The following PLA2G4D variants were observed in gnomAD, a reference collection of about 807,000 sequenced individuals.
The protein encoded by PLA2G4D is cytosolic phospholipase A2 delta.
Under a neutral mutation model 94.4 loss-of-function variants are expected in PLA2G4D, and 80 were observed. The ratio of observed to expected loss-of-function variants is 0.85; its 90% CI spans 0.71 to 1.02. PLA2G4D has a LOEUF of 1.02. Among genes scored for constraint, PLA2G4D ranks in the 50% least tolerant of loss-of-function variants. PLA2G4D has a pLI of 0.00. For synonymous variants in PLA2G4D, 438 were observed against 440.9 expected (o/e 0.99, Z 0.08); for missense variants, 1,050 against 1,034.7 (o/e 1.01, Z -0.20).
At chr15:42,071,642 C>G in intron 15 of PLA2G4D, 91 bp from the exon 16 acceptor site, 1 of 1,471,744 alleles carries the variant, frequency 6.8e-7, no homozygotes, top group Non-Finnish European at 9.4e-7. Flanking sequence ...GCGAGGGCTA[C>G]CCCTACAATG....
intron 17 of PLA2G4D, 59 bp from the exon 18 acceptor site, chr15:42,070,942 C>T: frequency 6.4e-7 from 1 of 1,568,764 alleles, no homozygotes; most frequent in Non-Finnish European, 8.6e-7. Flanking sequence ...ATCCATGTCC[C>T]CTTCTCTCCT....
intron 17 of PLA2G4D, 81 bp downstream of exon 17, chr15:42,071,042 C>T (rs1034372994): frequency 5.8e-6 from 9 of 1,560,936 alleles, no homozygotes; most frequent in Middle Eastern, 2.2e-4. Flanking sequence ...GGATGCTGAC[C>T]TCCTAGGCCT....
rs1889828363 is a variant in PLA2G4D, at chr15:42,071,880, A to G, written c.1467T>C (p.Gly489=). ...GGACGAAGGCCCCGTACTTCAGGAA[A>G]CCGACCTCATAGGGGGAGAACTCAA... is the stretch of plus-strand genomic sequence containing the variant. ...EWVEFSPYEV[G]FLKYGAFVPP... Residue 489 remains glycine, a synonymous_variant, in exon 15 of 20, where the codon GGT becomes GGC. Coordinates refer to ENST00000290472, the MANE Select transcript of PLA2G4D (RefSeq NM_178034.4). 6.2e-7 allele frequency: 1 copy of G among 1,614,170 alleles called. No homozygotes were observed. The highest frequency in any genetic ancestry group is 8.5e-7 in the Non-Finnish European group (1 of 1,180,002).
intron 13 of PLA2G4D, among the ~76,000 whole-genome samples, chr15:42,073,874 C>A (rs1889872907): frequency 6.6e-6 from 1 of 152,200 alleles, no homozygotes. Context: ...TTGCTGGCAG[C>A]TCTTCTGTCC....
In PLA2G4D at chr15:42,079,611, G is replaced by T; in HGVS notation, c.1243C>A (p.Arg415=). Residue 415 remains arginine, a synonymous_variant, in exon 13 of 20, where the codon CGG becomes AGG. Transcript: ENST00000290472. The stretch of plus-strand genomic sequence containing the variant: ...GTCGTGGGGTGGCCCTGCTCAGCCC[G>T]CAGCTCCAGCTCCCGGCGGTAGCTC... ...LASYRRELEL[R]AEQGHPTTFV... 6.2e-7 allele frequency: 1 copy of T among 1,610,532 alleles called. No homozygotes were observed. The highest frequency in any genetic ancestry group is 8.5e-7 in the Non-Finnish European group (1 of 1,178,800).
In PLA2G4D at chr15:42,071,859, G is replaced by A. The variant is rs369613397; in HGVS notation, c.1488C>T (p.Phe496=). Residue 496 remains phenylalanine (F), a synonymous_variant, in exon 15 of 20, where the codon TTC becomes TTT. Transcript: ENST00000290472. ...YEVGFLKYGA[F]VPPELFGSEF... is the part of the protein sequence containing the mutation. ...CGGAGCCGAAGAGCTCAGGAGGGAC[G>A]AAGGCCCCGTACTTCAGGAAACCGA... is the stretch of plus-strand genomic sequence containing the variant. The A allele has an allele frequency of 5.5e-5, 88 of 1,614,084 alleles. No homozygotes were observed. The highest frequency in any genetic ancestry group is 8.0e-5 in the African/African-American group (6 of 74,938).
chr15:42,093,271 A>G (rs1288959162), intron 1 of PLA2G4D, among the ~76,000 whole-genome samples: 1 of 152,182 alleles, frequency 6.6e-6, no homozygotes, highest in Admixed American at 6.5e-5. Context: ...GGTGCTTTCC[A>G]GGTGTGGGGC....
In PLA2G4D at chr15:42,081,601, C is replaced by A; in HGVS notation, c.835G>T (p.Ala279Ser). 6.2e-7 allele frequency: 1 copy of A among 1,614,154 alleles called. No individual in the cohort carries two copies. The highest frequency in any genetic ancestry group is 1.1e-5 in the South Asian group (1 of 91,084). ...CAGAGATTGAAGCCCAGGTGCACGG[C>A]CAGCTCCTCAGGGCTGTGGCAATGG... The part of the protein sequence containing the change: ...LKAEGCPEEL[A>S]VHLGFNLCAE... The change falls in exon 11 of 20, where the codon GCC becomes TCC. Residue 279 changes from alanine (A) to serine (S), a missense_variant. Physicochemically the swap from Ala to Ser is moderately conservative, Grantham distance 99. Coordinates refer to ENST00000290472, the MANE Select transcript of PLA2G4D (RefSeq NM_178034.4).
chr15:42,080,978 A>G lies in PLA2G4D; in HGVS notation c.1094+19T>C, dbSNP rs1230210339. ...TGGCCCCTGATTGTCTCTGCCACCC[A>G]GTCCCCCAGGATCCTCACCACGTAG... On this transcript the variant is annotated intron_variant, in intron 12 of 19. Transcript: ENST00000290472. 1 of 1,611,424 alleles carries G rather than the reference A, an allele frequency of 6.2e-7. No individual in the cohort carries two copies. The highest frequency in any genetic ancestry group is 1.1e-5 in the South Asian group (1 of 90,802).
At position 42,072,339 on chromosome 15, in the gene PLA2G4D, G is replaced by A. The variant is rs778496368; in HGVS notation, c.1371C>T (p.Asn457=). Reference sequence around the variant, plus strand: ...TGAGGCTCAAGTAGAGGGGCAGAGGGTTCTGACCCCGTTCCAGGGCGGCTC... The same window carrying A: ...TGAGGCTCAAGTAGAGGGGCAGAGGATTCTGACCCCGTTCCAGGGCGGCTC... The part of the protein sequence containing the change: ...GQRAALERGQ[N]PLPLYLSLNV... The change falls in exon 14 of 20, where the codon AAC becomes AAT. Residue 457 remains asparagine (N), a synonymous_variant. Transcript: ENST00000290472. 9 of 1,613,654 alleles carry A rather than the reference G, an allele frequency of 5.6e-6. No individual in the cohort carries two copies. The highest frequency in any genetic ancestry group is 7.6e-6 in the Non-Finnish European group (9 of 1,180,000).
intron 14 of PLA2G4D, 41 bp downstream of exon 14, chr15:42,072,233 TG>T (rs764477044): frequency 4.6e-6 from 7 of 1,522,228 alleles, no homozygotes; most frequent in African/African-American, 1.4e-5. Flanking sequence ...GCAGAGGGTT[TG>T]GGGGGTGGAG....
At chr15:42,093,482 G>A (rs937305515) in intron 1 of PLA2G4D, among the ~76,000 whole-genome samples, 5 of 152,156 alleles carry the variant, frequency 3.3e-5, no homozygotes, top group Admixed American at 1.3e-4. Flanking sequence ...AGCCAGGGCC[G>A]CCAGCCCCTC....
At chr15:42,093,886 TG>T (rs1890290648) in intron 1 of PLA2G4D, among the ~76,000 whole-genome samples, 1 of 151,948 alleles carries the variant, frequency 6.6e-6, no homozygotes, top group South Asian at 2.1e-4. Context: ...ATGAAAACTC[TG>T]GGCTTTGGAG....
chr15:42,069,552 G>C (rs1461903484), intron 19 of PLA2G4D, among the ~76,000 whole-genome samples: 1 of 152,180 alleles, frequency 6.6e-6, no homozygotes, highest in East Asian at 1.9e-4. Flanking sequence ...CCTGAGAAGG[G>C]GCCCAGCCTG....
chr15:42,086,215 G>A lies in PLA2G4D; in HGVS notation c.385C>T (p.Gln129Ter). 9.6e-6 allele frequency: 1 copy of A among 104,664 alleles called. No homozygotes were observed. The allele number at this position is 104,664 out of a possible 1,614,324, so 6.5% of individuals were successfully genotyped here. Residue 129 changes from glutamine (Q) to a stop codon, truncating the protein, a stop_gained and splice_region_variant, in exon 4 of 20, where the codon CAG becomes TAG. Coordinates refer to ENST00000290472, the MANE Select transcript of PLA2G4D (RefSeq NM_178034.4). LOFTEE classifies it high-confidence loss of function. ...LLRKTFSQSP[Q>*]GEEELDVEFL... Reference sequence around the variant, plus strand: ...GACTTCCCCACCCACCCACCCACCTGGGGACTCTGGGAGAAGGTTTTCCGG... The same window carrying A: ...GACTTCCCCACCCACCCACCCACCTAGGGACTCTGGGAGAAGGTTTTCCGG...
chr15:42,082,155 C>T, intron 9 of PLA2G4D, 124 bp downstream of exon 9: 1 of 842,810 alleles, frequency 1.2e-6, no homozygotes, highest in Non-Finnish European at 1.9e-6. Context: ...TGTTCTCAAA[C>T]TCCTGACTTC....
intron 18 of PLA2G4D, chr15:42,070,353 T>C: frequency 2.0e-6 from 1 of 511,398 alleles, no homozygotes; most frequent in South Asian, 3.0e-5. Context: ...CAATTCTGGA[T>C]TGCTATTGCT....
chr15:42,071,093 G>T, intron 17 of PLA2G4D, 30 bp downstream of exon 17: 1 of 1,593,060 alleles, frequency 6.3e-7, no homozygotes, highest in South Asian at 1.1e-5. Context: ...CCAACCTTGT[G>T]ACCTAGGGAC....
chr15:42,072,382 T>C lies in PLA2G4D; in HGVS notation c.1328A>G (p.Gln443Arg). ...GGCGGCTCTCTGTCCTGACAGCTTC[T>C]GATCCATCACCTGGGGCCAGAGGGC... Reference protein sequence around the residue: ...ESMLHGQVMDQKLSGQRAALE... With the variant: ...ESMLHGQVMDRKLSGQRAALE... The change falls in exon 14 of 20, where the codon CAG (glutamine) becomes CGG (arginine). Residue 443 changes from glutamine to arginine, a missense_variant. Coordinates refer to ENST00000290472, the MANE Select transcript of PLA2G4D (RefSeq NM_178034.4). 1 of 1,612,770 alleles carries C rather than the reference T, an allele frequency of 6.2e-7. No individual in the cohort carries two copies. The highest frequency in any genetic ancestry group is 8.5e-7 in the Non-Finnish European group (1 of 1,179,890).
Sources: allele counts gnomAD v4.1 joint callset (sites outside exome capture counted in the v4.1 genomes callset), GRCh38; gene constraint gnomAD v4.1.1; transcripts MANE v1.5; gene names NCBI Gene and HGNC (gene_info 2026-07-23, HGNC 2026-07-21).